STAG1: variants seen among roughly 807,000 people sequenced by gnomAD.
The protein encoded by STAG1 is cohesin subunit SA-1.
STAG1 carries 26 observed loss-of-function variants against 170.9 expected under a neutral mutation model. The ratio of observed to expected loss-of-function variants is 0.15; its 90% CI spans 0.11 to 0.21. STAG1 has a LOEUF of 0.21. STAG1 is among the 10% of genes least tolerant of loss of function. The pLI is 1.00. For missense variants in STAG1, 964 were observed against 1,509.5 expected (o/e 0.64, Z 5.99); for synonymous variants, 514 against 497.7 (o/e 1.03, Z -0.44).
Position 136,604,379 on chromosome 3 carries a change from G to C in STAG1, c.227C>G (p.Pro76Arg), listed in dbSNP as rs766489576. The change falls in exon 4 of 34, where the codon CCT (proline) becomes CGT (arginine). Residue 76 changes from proline (P) to arginine (R), a missense_variant. Pro to Arg is a moderately radical substitution (Grantham distance 103, BLOSUM62 -2). Coordinates refer to ENST00000383202, the MANE Select transcript of STAG1 (RefSeq NM_005862.3). ...GAGRGRANGH[P>R]QQNGEGEPVT... Reference sequence around the variant, plus strand: ...AGGCTCCCCTTCCCCATTCTGTTGAGGGTGTCCATTAGCTCTTCCACGGCC... The same window carrying C: ...AGGCTCCCCTTCCCCATTCTGTTGACGGTGTCCATTAGCTCTTCCACGGCC... 2 of 1,613,636 alleles carry C rather than the reference G, an allele frequency of 1.2e-6. No homozygotes were observed. Among genetic ancestry groups the C allele is most frequent in the South Asian group, 2.2e-5 (2 of 91,036 alleles).
intron 3 of STAG1, among the ~76,000 whole-genome samples, chr3:136,608,156 C>T (rs1939056269): frequency 6.6e-6 from 1 of 151,854 alleles, no homozygotes; most frequent in African/African-American, 2.4e-5. Flanking sequence ...ACTCAGGAGG[C>T]TGAGTCGGGA....
At chr3:136,736,482 A>T (rs1214055795) in intron 1 of STAG1, 6 of 1,334,106 alleles carry the variant, frequency 4.5e-6, no homozygotes, top group Non-Finnish European at 5.4e-6. Context: ...TGTGCCTGTG[A>T]CCCCGGGTGG....
intron 5 of STAG1, among the ~76,000 whole-genome samples, chr3:136,559,495 T>C (rs890772429): frequency 5.3e-5 from 8 of 152,190 alleles, no homozygotes; most frequent in Non-Finnish European, 1.0e-4. Context: ...GAGTAGGCCA[T>C]GCCCTTCAAA....
chr3:136,506,783 G>T (rs925908353), intron 7 of STAG1, among the ~76,000 whole-genome samples: 2 of 152,098 alleles, frequency 1.3e-5, no homozygotes, highest in African/African-American at 4.8e-5. Context: ...TTATGTAAGT[G>T]GAAATGCCTA....
chr3:136,670,129 T>C (rs1293120210), intron 1 of STAG1, among the ~76,000 whole-genome samples: 3 of 152,336 alleles, frequency 2.0e-5, no homozygotes, highest in African/African-American at 7.2e-5. Flanking sequence ...TCACTAATCA[T>C]TTTGATATTA....
At chr3:136,750,709 T>C (rs566039271) in intron 1 of STAG1, among the ~76,000 whole-genome samples, 26 of 152,370 alleles carry the variant, frequency 1.7e-4, no homozygotes, top group Admixed American at 1.5e-3. Context: ...AAAACACCTG[T>C]AGATCTTCTA....
intron 1 of STAG1, among the ~76,000 whole-genome samples, chr3:136,684,175 C>A (rs1279605869): frequency 6.6e-6 from 1 of 152,108 alleles, no homozygotes; most frequent in Non-Finnish European, 1.5e-5. Flanking sequence ...ACTAACAAAG[C>A]GATTCTGGTT....
At chr3:136,717,226 C>T (rs990387055) in intron 1 of STAG1, among the ~76,000 whole-genome samples, 1 of 152,134 alleles carries the variant, frequency 6.6e-6, no homozygotes, top group Non-Finnish European at 1.5e-5. Context: ...TATAATATCC[C>T]TATTTTATAT....
intron 1 of STAG1, among the ~76,000 whole-genome samples, chr3:136,710,908 C>T (rs1481923788): frequency 1.3e-5 from 2 of 151,978 alleles, no homozygotes; most frequent in Non-Finnish European, 2.9e-5. Context: ...TATTTGTGTA[C>T]CATCCTGGAC....
rs189858002 is a variant in STAG1 at position 136,386,626 on chromosome 3, G to A, written c.2278-8874C>T. Among the ~76,000 whole-genome samples the A allele has an allele frequency of 4.6e-5, 7 of 152,178 alleles. No homozygotes were observed. In the East Asian group the frequency reaches 1.4e-3, roughly 29 times the overall value. ...AAACAGAAGTATATAGATTTTAAAT[G>A]TGTGATTCCTTTTAATTTTCTTCCA... is the stretch of plus-strand genomic sequence containing the variant. On this transcript the variant is annotated intron_variant, in intron 22 of 33. Coordinates refer to ENST00000383202, the MANE Select transcript of STAG1 (RefSeq NM_005862.3).
intron 3 of STAG1, among the ~76,000 whole-genome samples, chr3:136,622,241 C>CT (rs1939896900): frequency 6.6e-6 from 1 of 151,652 alleles, no homozygotes; most frequent in Admixed American, 6.6e-5. Flanking sequence ...AATCGCTGAA[C>CT]CCAGGAGGTG....
intron 21 of STAG1, among the ~76,000 whole-genome samples, chr3:136,404,653 G>C (rs1159606149): frequency 6.6e-6 from 1 of 152,110 alleles, no homozygotes; most frequent in African/African-American, 2.4e-5. Flanking sequence ...TTCTTTAAAA[G>C]AACTATACCT....
At chr3:136,745,949 T>C (rs1017794941) in intron 1 of STAG1, among the ~76,000 whole-genome samples, 4 of 152,218 alleles carry the variant, frequency 2.6e-5, no homozygotes, top group African/African-American at 7.2e-5. Context: ...TTGGACAAGC[T>C]TGATTTAGAA....
chr3:136,486,999 C>CAAAA (rs536392595), intron 9 of STAG1, among the ~76,000 whole-genome samples: 12 of 54,664 alleles, frequency 2.2e-4, no homozygotes, highest in African/African-American at 6.4e-4. Flanking sequence ...TTTATTTCTT[C>CAAAA]AAAAAAAAAA....
intron 5 of STAG1, among the ~76,000 whole-genome samples, chr3:136,543,698 A>T (rs117572858): frequency 6.6e-6 from 1 of 152,208 alleles, no homozygotes; most frequent in Non-Finnish European, 1.5e-5. Flanking sequence ...TTAAGTGGTG[A>T]TAATATCACT....
At chr3:136,643,098 G>C (rs1453839698) in intron 1 of STAG1, among the ~76,000 whole-genome samples, 1 of 152,166 alleles carries the variant, frequency 6.6e-6, no homozygotes, top group African/African-American at 2.4e-5. Context: ...TTCCAAATAA[G>C]GTTGCATTCA....
chr3:136,667,391 A>G (rs1195033594), intron 1 of STAG1, among the ~76,000 whole-genome samples: 4 of 152,088 alleles, frequency 2.6e-5, no homozygotes, highest in Non-Finnish European at 4.4e-5. Flanking sequence ...CTTAACAAAA[A>G]AGAAAGATAG....
intron 25 of STAG1, among the ~76,000 whole-genome samples, chr3:136,365,061 C>T (rs181101572): frequency 1.3e-5 from 2 of 152,124 alleles, no homozygotes; most frequent in East Asian, 3.9e-4. Flanking sequence ...GAGCAAATAG[C>T]TATTATAATA....
chr3:136,468,856 C>T (rs1314558740), intron 12 of STAG1, among the ~76,000 whole-genome samples: 2 of 152,054 alleles, frequency 1.3e-5, no homozygotes, highest in Non-Finnish European at 2.9e-5. Flanking sequence ...AAATGTAATC[C>T]AGCATATGAA....
Sources: gnomAD v4.1 joint callset for allele counts (sites outside exome capture counted in the v4.1 genomes callset) on GRCh38, gnomAD v4.1.1 for gene constraint, MANE v1.5 for transcripts, NCBI Gene and HGNC (gene_info 2026-07-23, HGNC 2026-07-21) for gene names.